FCRL2: variants seen among roughly 807,000 people sequenced by gnomAD.
FCRL2 encodes Fc receptor-like protein 2.
A neutral mutation model predicts 59.8 loss-of-function variants in FCRL2; 48 were observed. That is an observed-to-expected ratio of 0.80 (90% CI 0.64 to 1.02). The LOEUF (loss-of-function observed/expected upper bound fraction) is 1.02. FCRL2 is among the 50% of genes least tolerant of loss of function. The pLI is 0.00. For missense variants in FCRL2, 658 were observed against 597.3 expected, an observed-to-expected ratio of 1.10 and a Z score of -1.06; for synonymous variants, 251 against 229.5, an observed-to-expected ratio of 1.09 and a Z score of -0.85.
chr1:157,775,521 T>C (rs975138652), intron 2 of FCRL2, among the ~76,000 whole-genome samples: 6 of 152,234 alleles, frequency 3.9e-5, no homozygotes, highest in Non-Finnish European at 8.8e-5. Flanking sequence ...CTGCATGTTA[T>C]TGCCCTTCTT....
chr1:157,763,469 GAGCCAAGAACACA>G (rs1307305888), intron 7 of FCRL2, among the ~76,000 whole-genome samples: 34 of 152,088 alleles, frequency 2.2e-4, no homozygotes, highest in African/African-American at 8.2e-4. Flanking sequence ...AATTTGCAGG[GAGCCAAGAACACA>G]CCATTGTGCT....
intron 7 of FCRL2, among the ~76,000 whole-genome samples, chr1:157,756,775 A>G (rs1648622444): frequency 6.6e-6 from 1 of 152,132 alleles, no homozygotes; most frequent in Non-Finnish European, 1.5e-5. Flanking sequence ...CAAATTTAGT[A>G]AAAAATAATT....
chr1:157,765,482 A>G (rs911839227), intron 7 of FCRL2, among the ~76,000 whole-genome samples: 7 of 152,234 alleles, frequency 4.6e-5, no homozygotes, highest in African/African-American at 1.7e-4. Flanking sequence ...AGACATGAAT[A>G]CAACCAAAAA....
Position 157,768,305 on chromosome 1 carries a change from T to A in FCRL2, c.883+109A>T, listed in dbSNP as rs1649684596. ...TAACCCATTTTCAAATTGCTTTTGG[T>A]TCTCCACAGCACTAATCCCTGGGGC... On this transcript the variant is annotated intron_variant, in intron 5 of 11. Coordinates refer to ENST00000361516, the MANE Select transcript of FCRL2 (RefSeq NM_030764.4). 5.1e-6 allele frequency: 6 copies of A among 1,171,056 alleles called. No homozygotes were observed. In the South Asian group the frequency reaches 7.7e-5, roughly 15 times the overall value. 72.5% of individuals were successfully genotyped at this position (1,171,056 alleles called of 1,614,324 possible).
intron 10 of FCRL2, among the ~76,000 whole-genome samples, chr1:157,748,006 T>C (rs1024214327): frequency 2.6e-5 from 4 of 152,156 alleles, no homozygotes; most frequent in Admixed American, 6.5e-5. Flanking sequence ...GAAGACTCAT[T>C]AGACCATCAC....
rs369955649 is a variant in FCRL2 at position 157,767,480 on chromosome 1, T to A, written c.913A>T (p.Arg305Trp). 1,086 of 1,614,182 alleles carry A rather than the reference T, an allele frequency of 6.7e-4. 16 individuals carry two copies. The South Asian group carries it at 0.011, about 17-fold the overall frequency. ...IPVSRPVLTL[R>W]SPGAQAAVGD... ...ACTGCAGCCTGGGCCCCAGGAGACC[T>A]GAGGGTGAGGACAGGGCGAGACACT... The change falls in exon 6 of 12, where the codon AGG becomes TGG. Residue 305 changes from arginine (R) to tryptophan (W), a missense_variant. Arg to Trp is a moderately radical substitution (Grantham distance 101, BLOSUM62 -3). Coordinates refer to ENST00000361516, the MANE Select transcript of FCRL2 (RefSeq NM_030764.4).
Position 157,770,531 on chromosome 1 carries a change from T to G in FCRL2, c.188A>C (p.Lys63Thr). 6.2e-7 allele frequency: 1 copy of G among 1,614,238 alleles called. No individual in the cohort carries two copies. Among genetic ancestry groups the G allele is most frequent in the Non-Finnish European group, 8.5e-7 (1 of 1,180,040 alleles). ...ACTTTGGATAAGGAAATCTGAGAAT[T>G]TTTTGAAAACAGATAACTCTTTGTT... Reference protein sequence around the residue: ...KDNKELSVFKKFSDFLIQSAV... With the variant: ...KDNKELSVFKTFSDFLIQSAV... The change falls in exon 3 of 12, where the codon AAA becomes ACA. Residue 63 changes from lysine (K) to threonine (T), a missense_variant. Coordinates refer to ENST00000361516, the MANE Select transcript of FCRL2 (RefSeq NM_030764.4).
intron 10 of FCRL2, among the ~76,000 whole-genome samples, chr1:157,747,946 C>A (rs1358275014): frequency 6.6e-6 from 1 of 152,176 alleles, no homozygotes; most frequent in Non-Finnish European, 1.5e-5. Flanking sequence ...TGATTTCCTT[C>A]TTTTGCCTTG....
intron 7 of FCRL2, among the ~76,000 whole-genome samples, chr1:157,756,159 A>G (rs1353198210): frequency 6.6e-6 from 1 of 152,252 alleles, no homozygotes; most frequent in Non-Finnish European, 1.5e-5. Context: ...GGCAACAGCC[A>G]CTGCCTTGTC....
chr1:157,767,692 A>G, intron 5 of FCRL2, 183 bp from the exon 6 acceptor site: 2 of 1,567,898 alleles, frequency 1.3e-6, no homozygotes, highest in South Asian at 2.4e-5. Context: ...TTTGAGGGGA[A>G]TATCAGTTCT....
chr1:157,766,811 A>G, intron 7 of FCRL2, 44 bp downstream of exon 7: 9 of 1,612,398 alleles, frequency 5.6e-6, no homozygotes, highest in Non-Finnish European at 7.6e-6. Flanking sequence ...TCAGTAGTGG[A>G]AAGGTCATAG....
chr1:157,753,204 G>C (rs1382135904), intron 7 of FCRL2, among the ~76,000 whole-genome samples: 1 of 152,050 alleles, frequency 6.6e-6, no homozygotes, highest in Non-Finnish European at 1.5e-5. Flanking sequence ...CAACTCTTAG[G>C]ACACTAATTA....
At chr1:157,750,135 C>T (rs59557944) in intron 7 of FCRL2, among the ~76,000 whole-genome samples, 6 of 152,170 alleles carry the variant, frequency 3.9e-5, no homozygotes, top group African/African-American at 1.4e-4. Flanking sequence ...GATCTTGGGG[C>T]TAAGCTGGAT....
rs146604316 is a variant in FCRL2, at chr1:157,772,563, C to T, written c.53-1897G>A. 7.3e-3 allele frequency among the ~76,000 whole-genome samples: 1,112 copies of T among 152,226 alleles called. 21 individuals carry two copies. The highest frequency in any genetic ancestry group is 5.8e-3 in the Non-Finnish European group (395 of 68,010). ...TGAACTTGCGGCCAGAGAGAGTCATCGTCACCACCAGGAGATACTGATTGA... is the reference window on the plus strand; with the variant it reads ...TGAACTTGCGGCCAGAGAGAGTCATTGTCACCACCAGGAGATACTGATTGA... On this transcript the variant is annotated intron_variant, in intron 2 of 11. Coordinates refer to ENST00000361516, the MANE Select transcript of FCRL2 (RefSeq NM_030764.4).
At chr1:157,768,052 C>A in intron 5 of FCRL2, 1 of 238,728 alleles carries the variant, frequency 4.2e-6, no homozygotes, top group Non-Finnish European at 8.0e-6. Flanking sequence ...AAGCTAGAAA[C>A]ACTCTAATCA....
At chr1:157,761,325 A>G (rs1344368272) in intron 7 of FCRL2, among the ~76,000 whole-genome samples, 1 of 152,234 alleles carries the variant, frequency 6.6e-6, no homozygotes, top group East Asian at 1.9e-4. Flanking sequence ...CATAGAAAAC[A>G]GACACTTAGG....
At chr1:157,762,729 A>AACAAG (rs71084252) in intron 7 of FCRL2, among the ~76,000 whole-genome samples, 29,529 of 152,040 alleles carry the variant, frequency 0.19, 3,076 homozygotes, top group Non-Finnish European at 0.24. Flanking sequence ...AGAAAAACAA[A>AACAAG]ACAAAACAAA....
intron 7 of FCRL2, among the ~76,000 whole-genome samples, chr1:157,766,247 G>A (rs770508664): frequency 7.9e-5 from 12 of 152,212 alleles, no homozygotes; most frequent in Admixed American, 3.9e-4. Context: ...CAAGATGGGC[G>A]GATCAAGAGG....
chr1:157,746,580 G>T lies in FCRL2; in HGVS notation c.*156C>A. The T allele has an allele frequency of 1.5e-6, 1 of 645,420 alleles. No individual in the cohort carries two copies. Among genetic ancestry groups the T allele is most frequent in the Non-Finnish European group, 2.7e-6 (1 of 363,954 alleles). The allele number at this position is 645,420 out of a possible 1,614,324, so 40.0% of individuals were successfully genotyped here. ...ATAGGTAAAAGAAGATATTGGAGAA[G>T]AAACATCATCAGGACAAAAATGACA... On this transcript the variant is annotated 3_prime_UTR_variant, in exon 12 of 12. Transcript: ENST00000361516.
Sources: gnomAD v4.1 joint callset for allele counts (sites outside exome capture counted in the v4.1 genomes callset) on GRCh38, gnomAD v4.1.1 for gene constraint, MANE v1.5 for transcripts, NCBI Gene and HGNC (gene_info 2026-07-23, HGNC 2026-07-21) for gene names.